Variants in WWC2 observed in about 807,000 individuals in gnomAD.
The protein encoded by WWC2 is WW and C2 domain containing 2.
In WWC2, 101 loss-of-function variants were observed where a neutral mutation model predicts 138.5. The ratio of observed to expected loss-of-function variants is 0.73; its 90% confidence interval spans 0.62 to 0.86. The LOEUF is 0.86. Ranked by LOEUF, WWC2 falls within the 40% of genes least tolerant of loss-of-function variation. The pLI, the probability that WWC2 is intolerant of heterozygous loss-of-function variation, is 0.00. For missense variants in WWC2, 1,420 were observed against 1,419.4 expected (o/e 1.00, Z -0.01); for synonymous variants, 558 against 538.4 (o/e 1.04, Z -0.50).
rs564651278 is a variant in WWC2 at position 183,214,856 on chromosome 4, A to C, written c.522+5831A>C. ...ATTCTCTCTTGACTAGACATGAGAG[A>C]TATCCTTATTCTCATACTGTGTTTA... On this transcript the variant is annotated intron_variant, in intron 4 of 22. Coordinates refer to ENST00000403733, the MANE Select transcript of WWC2 (RefSeq NM_024949.6). 6.6e-5 allele frequency among the ~76,000 whole-genome samples: 10 copies of C among 152,012 alleles called. 1 individual carries two copies. In the South Asian group the frequency reaches 2.1e-3, roughly 32 times the overall value.
chr4:183,237,183 TA>T (rs1736454455), intron 4 of WWC2, among the ~76,000 whole-genome samples: 1 of 152,214 alleles, frequency 6.6e-6, no homozygotes, highest in Admixed American at 6.5e-5. Context: ...TTCACTTCTT[TA>T]GTTAAGTTAA....
At chr4:183,126,001 T>C (rs1044768622) in intron 1 of WWC2, among the ~76,000 whole-genome samples, 3 of 152,232 alleles carry the variant, frequency 2.0e-5, no homozygotes, top group South Asian at 2.1e-4. Context: ...TGCTCTGCCA[T>C]GCATGTAGAT....
intron 2 of WWC2, among the ~76,000 whole-genome samples, chr4:183,194,673 T>C (rs2111213289): frequency 6.6e-6 from 1 of 152,302 alleles, no homozygotes; most frequent in East Asian, 1.9e-4. Flanking sequence ...GTAGATGATG[T>C]ATTTCTCAAG....
intron 1 of WWC2, among the ~76,000 whole-genome samples, chr4:183,147,225 T>C (rs750019349): frequency 1.1e-4 from 17 of 152,182 alleles, no homozygotes; most frequent in Non-Finnish European, 2.1e-4. Flanking sequence ...CCCAGATGCT[T>C]ATATATATGT....
intron 2 of WWC2, among the ~76,000 whole-genome samples, chr4:183,196,819 A>G (rs1400385606): frequency 6.6e-6 from 1 of 152,116 alleles, no homozygotes; most frequent in African/African-American, 2.4e-5. Context: ...TGCTTCCCAC[A>G]GGCCTTCTCT....
chr4:183,304,505 G>A (rs1421934627), intron 21 of WWC2, among the ~76,000 whole-genome samples: 1 of 152,160 alleles, frequency 6.6e-6, no homozygotes, highest in Non-Finnish European at 1.5e-5. Context: ...ACACACAAAA[G>A]CATTCTGTTC....
Position 183,312,433 on chromosome 4 carries a change from G to A in WWC2, c.3477G>A (p.Gln1159=). ...AGGACGTGTGTCGGCTCCGGGAGCA[G>A]AGCCAGAAGGTGCCTCGGCAGGTGC... ...VSKDVCRLRE[Q]SQKVPRQVQS... The change falls in exon 22 of 23, where the codon CAG becomes CAA. Residue 1159 remains glutamine (Q), a synonymous_variant. Transcript: ENST00000403733. The A allele has an allele frequency of 6.2e-7, 1 of 1,613,842 alleles. No homozygotes were observed. Among genetic ancestry groups the A allele is most frequent in the Non-Finnish European group, 8.5e-7 (1 of 1,179,782 alleles).
chr4:183,159,982 C>T (rs1336215852), intron 1 of WWC2, among the ~76,000 whole-genome samples: 1 of 152,082 alleles, frequency 6.6e-6, no homozygotes, highest in Non-Finnish European at 1.5e-5. Context: ...TCTCACTTTG[C>T]CTGATTCTGA....
At position 183,315,673 on chromosome 4, in the gene WWC2, G is replaced by A; in HGVS notation, c.3523G>A (p.Ala1175Thr). The change falls in exon 23 of 23, where the codon GCC (alanine) becomes ACC (threonine). Residue 1175 changes from alanine to threonine, a missense_variant. Coordinates refer to ENST00000403733, the MANE Select transcript of WWC2 (RefSeq NM_024949.6). ...RQVQSFREKI[A>T]YFTRAKISIP... is the part of the protein sequence containing the mutation. ...TCACCCCAACTCTAGGGAGAAGATT[G>A]CCTACTTCACCAGAGCAAAGATAAG... 6.2e-7 allele frequency: 1 copy of A among 1,612,940 alleles called. No homozygotes were observed. The highest frequency in any genetic ancestry group is 8.5e-7 in the Non-Finnish European group (1 of 1,179,272).
In WWC2 at chr4:183,288,801, T is replaced by G. The variant is rs191107953; in HGVS notation, c.3142-592T>G. Among the ~76,000 whole-genome samples the G allele has an allele frequency of 3.2e-3, 481 of 152,326 alleles. 3 individuals carry two copies. The Middle Eastern group carries it at 0.044, about 14-fold the overall frequency. On this transcript the variant is annotated intron_variant, in intron 20 of 22. Transcript: ENST00000403733. The stretch of plus-strand genomic sequence containing the variant: ...GGGAAATCAAGGAAGGCAACTCAGT[T>G]TAAGCATTCTGATTGGAGGAGATAG...
intron 1 of WWC2, among the ~76,000 whole-genome samples, chr4:183,124,675 C>T (rs1331349603): frequency 6.6e-6 from 1 of 151,198 alleles, no homozygotes; most frequent in African/African-American, 2.4e-5. Flanking sequence ...CTGCAACCTC[C>T]GCCTCCCGGA....
chr4:183,312,198 G>A lies in WWC2; in HGVS notation c.3385-143G>A, dbSNP rs574325700. 172 of 1,028,740 alleles carry A rather than the reference G, an allele frequency of 1.7e-4. No individual in the cohort carries two copies. The African/African-American group carries it at 1.8e-3, about 11-fold the overall frequency. 63.7% of individuals were successfully genotyped at this position (1,028,740 alleles called of 1,614,324 possible). A position where few individuals can be genotyped will look rare whatever the true frequency, so the allele number is the denominator to read the frequency against. The stretch of plus-strand genomic sequence containing the variant: ...GTCATGTGGGTGTTGGCTCCTGATG[G>A]GTGATAAAAAGGACACCAGCCCACT... On this transcript the variant is annotated intron_variant, in intron 21 of 22. Transcript: ENST00000403733.
chr4:183,316,146 A>T lies in WWC2; in HGVS notation c.*417A>T, dbSNP rs1739432241. On this transcript the variant is annotated 3_prime_UTR_variant, in exon 23 of 23. Coordinates refer to ENST00000403733, the MANE Select transcript of WWC2 (RefSeq NM_024949.6). ...AGGCTGTGCCGATGGCAGCAGCGCC[A>T]CGTGGTATCTGTGCGCTGGCGAGGA... 5.7e-6 allele frequency: 1 copy of T among 176,172 alleles called. No individual in the cohort carries two copies. The highest frequency in any genetic ancestry group is 5.6e-5 in the Admixed American group (1 of 18,008). 10.9% of individuals were successfully genotyped at this position (176,172 alleles called of 1,614,324 possible).
rs762194606 is a variant in WWC2, at chr4:183,253,854, A to G, written c.1051A>G (p.Lys351Glu). The G allele has an allele frequency of 6.2e-7, 1 of 1,613,808 alleles. No individual in the cohort carries two copies. The highest frequency in any genetic ancestry group is 1.1e-5 in the South Asian group (1 of 91,032). ...GGAAAAACTGATGCTGATTAATGAA[A>G]AAGAAGAACTTTTGAAAGAGCTTCA... Reference protein sequence around the residue: ...EKEKLMLINEKEELLKELQFV... With the variant: ...EKEKLMLINEEEELLKELQFV... The change falls in exon 9 of 23, where the codon AAA becomes GAA. Residue 351 changes from lysine (K) to glutamate (E), a missense_variant. Transcript: ENST00000403733.
chr4:183,263,511 C>T (rs1286717191), intron 11 of WWC2, among the ~76,000 whole-genome samples: 1 of 152,216 alleles, frequency 6.6e-6, no homozygotes, highest in East Asian at 1.9e-4. Flanking sequence ...TATTAGAAAA[C>T]TGCTGTTAAA....
intron 1 of WWC2, among the ~76,000 whole-genome samples, chr4:183,138,631 C>T (rs768680962): frequency 6.6e-6 from 1 of 152,068 alleles, no homozygotes; most frequent in Non-Finnish European, 1.5e-5. Context: ...TTTGCTGACT[C>T]CTGCGCAAAG....
rs180780964 is a variant in WWC2, at chr4:183,170,491, G to C, written c.132-23108G>C. 2.7e-4 allele frequency among the ~76,000 whole-genome samples: 41 copies of C among 152,236 alleles called. No individual in the cohort carries two copies. In the South Asian group the frequency reaches 6.7e-3, roughly 25 times the overall value. On this transcript the variant is annotated intron_variant, in intron 1 of 22. Transcript: ENST00000403733. ...GTGGGGTAAAGAGGAAAGCACTTTC[G>C]AGGAGAGCAGGCTTGGGAACATGTA...
Position 183,319,556 on chromosome 4 carries a change from T to G in WWC2, c.*3827T>G. The G allele has an allele frequency of 6.2e-7, 1 of 1,607,526 alleles. No individual in the cohort carries two copies. Among genetic ancestry groups the G allele is most frequent in the South Asian group, 1.1e-5 (1 of 89,890 alleles). ...ACAGCAGACGCTTGTCCTTTCTGGC[T>G]TAGTGTTTCAGGTTGGTGTTTCTCG... On this transcript the variant is annotated 3_prime_UTR_variant, in exon 23 of 23. Transcript: ENST00000403733.
chr4:183,175,851 A>T (rs895759184), intron 1 of WWC2, among the ~76,000 whole-genome samples: 3 of 152,206 alleles, frequency 2.0e-5, no homozygotes, highest in Non-Finnish European at 4.4e-5. Context: ...CTAGTCTAAA[A>T]CTTAGCCACG....
Sources: allele counts gnomAD v4.1 joint callset (sites outside exome capture counted in the v4.1 genomes callset), GRCh38; gene constraint gnomAD v4.1.1; transcripts MANE v1.5; gene names NCBI Gene and HGNC (gene_info 2026-07-23, HGNC 2026-07-21).